Variants in CXXC5 observed in about 807,000 individuals in gnomAD.
CXXC5 encodes the protein CXXC-type zinc finger protein 5.
A neutral mutation model predicts 17.6 loss-of-function variants in CXXC5; 2 were observed. The observed-to-expected ratio is 0.11, with a 90% CI of 0.05 to 0.36. CXXC5 has a LOEUF of 0.36. Ranked by LOEUF, CXXC5 falls within the 10% of genes least tolerant of loss-of-function variation. CXXC5 has a pLI of 1.00. For synonymous variants in CXXC5, 171 were observed against 193.0 expected (o/e 0.89, Z 0.94); for missense variants, 343 against 458.3 (o/e 0.75, Z 2.30).
chr5:139,678,202 A>ATCTCACTGACCCTTG (rs1319087548), intron 1 of CXXC5, among the ~76,000 whole-genome samples: 4 of 152,184 alleles, frequency 2.6e-5, no homozygotes, highest in African/African-American at 9.7e-5. Flanking sequence ...TTTGTCCCTG[A>ATCTCACTGACCCTTG]TCTCACTGAC....
rs780732942 is a variant in CXXC5, at chr5:139,682,949, T to C, written c.*42T>C. On this transcript the variant is annotated 3_prime_UTR_variant, in exon 3 of 3. Coordinates refer to ENST00000302517, the MANE Select transcript of CXXC5 (RefSeq NM_016463.9). ...AGCTGCCCTCTCCGTGCAATGTCAC[T>C]GCTCGTGTGGTCTCCAGCAAGGGAT... The C allele has an allele frequency of 2.6e-6, 4 of 1,546,424 alleles. No individual in the cohort carries two copies. Among genetic ancestry groups the C allele is most frequent in the Non-Finnish European group, 2.6e-6 (3 of 1,138,398 alleles).
In CXXC5 at chr5:139,648,503, C is replaced by G. The variant is rs1173126480; in HGVS notation, c.-503C>G. 2 of 152,592 alleles carry G rather than the reference C, an allele frequency of 1.3e-5. No homozygotes were observed. The highest frequency in any genetic ancestry group is 1.3e-4 in the Admixed American group (2 of 15,268). 9.5% of individuals were successfully genotyped at this position (152,592 alleles called of 1,614,324 possible). A position where few individuals can be genotyped will look rare whatever the true frequency, so the allele number is the denominator to read the frequency against. ...CCCCGCGTCCCAGCCCTGCCCAGCC[C>G]GCGCCCAGCCATGCGCGCCGCCTGC... On this transcript the variant is annotated 5_prime_UTR_variant, in exon 1 of 3. Coordinates refer to ENST00000302517, the MANE Select transcript of CXXC5 (RefSeq NM_016463.9).
intron 1 of CXXC5, among the ~76,000 whole-genome samples, chr5:139,651,980 C>T (rs1755208698): frequency 1.3e-5 from 2 of 152,214 alleles, no homozygotes; most frequent in African/African-American, 2.4e-5. Context: ...CCCCACCCTT[C>T]TGGTGGTACA....
At chr5:139,652,151 CGCGCGCGCGCGCGCGCGCGCGT>C (rs1286459814) in intron 1 of CXXC5, among the ~76,000 whole-genome samples, 2 of 66,880 alleles carry the variant, frequency 3.0e-5, no homozygotes, top group Admixed American at 1.4e-4. Flanking sequence ...GCCGCCGGCG[CGCGCGCGCGCGCGCGCGCGCGT>C]GTGTGTGTGT....
Position 139,680,347 on chromosome 5 carries a change from G to A in CXXC5, c.-160-17G>A, listed in dbSNP as rs1242490638. ...AGGTGTTCACTGCTGCCCTGACCCT[G>A]TATCCTCTTGTGACAGAGTGAAGAC... On this transcript the variant is annotated splice_polypyrimidine_tract_variant and intron_variant, in intron 1 of 2. Coordinates refer to ENST00000302517, the MANE Select transcript of CXXC5 (RefSeq NM_016463.9). The A allele has an allele frequency of 3.4e-6, 3 of 885,596 alleles. No individual in the cohort carries two copies. The highest frequency in any genetic ancestry group is 2.9e-5 in the Admixed American group (1 of 34,142). 54.9% of individuals were successfully genotyped at this position (885,596 alleles called of 1,614,324 possible).
At chr5:139,677,172 G>A (rs1756890535) in intron 1 of CXXC5, among the ~76,000 whole-genome samples, 1 of 152,004 alleles carries the variant, frequency 6.6e-6, no homozygotes, top group East Asian at 1.9e-4. Context: ...TTCTTTTTGG[G>A]GGCTGGATGT....
At chr5:139,671,095 C>T (rs1266563444) in intron 1 of CXXC5, among the ~76,000 whole-genome samples, 1 of 152,212 alleles carries the variant, frequency 6.6e-6, no homozygotes, top group Non-Finnish European at 1.5e-5. Context: ...CAGGGAGCCT[C>T]GGAGAGTGGG....
In CXXC5 at chr5:139,658,469, C is replaced by T. The variant is rs1267408731; in HGVS notation, c.-161+9624C>T. On this transcript the variant is annotated intron_variant, in intron 1 of 2. Transcript: ENST00000302517. The surrounding 1 kb of genome is among the most constrained non-coding windows in gnomAD (Gnocchi z 4.1). ...GTCCTCAGGTGACATGAGCCCATACCTGGGACAGAAATACCTGTTCTGCCC... is the reference window on the plus strand; with the variant it reads ...GTCCTCAGGTGACATGAGCCCATACTTGGGACAGAAATACCTGTTCTGCCC... Among the ~76,000 whole-genome samples, 1 of 152,238 alleles carries T rather than the reference C, an allele frequency of 6.6e-6. No individual in the cohort carries two copies. The highest frequency in any genetic ancestry group is 1.9e-4 in the East Asian group (1 of 5,194).
At chr5:139,666,438 C>T (rs1258523954) in intron 1 of CXXC5, among the ~76,000 whole-genome samples, 1 of 152,236 alleles carries the variant, frequency 6.6e-6, no homozygotes, top group Non-Finnish European at 1.5e-5. Flanking sequence ...CCTGGACCTC[C>T]TGTGGGTCTT....
intron 1 of CXXC5, chr5:139,649,151 C>A: frequency 6.6e-6 from 1 of 152,410 alleles, no homozygotes. Flanking sequence ...CCCAAGCCTC[C>A]CTAAGCCGCA....
intron 1 of CXXC5, among the ~76,000 whole-genome samples, chr5:139,653,716 CT>C (rs1387604153): frequency 2.6e-5 from 4 of 152,198 alleles, no homozygotes; most frequent in African/African-American, 7.2e-5. Flanking sequence ...CAGGCCACAT[CT>C]TGGGGTGTCA....
Position 139,680,440 on chromosome 5 carries a change from G to A in CXXC5, c.-84G>A. 1.4e-6 allele frequency: 2 copies of A among 1,473,684 alleles called. No homozygotes were observed. The highest frequency in any genetic ancestry group is 1.8e-6 in the Non-Finnish European group (2 of 1,116,070). 91.3% of individuals were successfully genotyped at this position (1,473,684 alleles called of 1,614,324 possible). A position where few individuals can be genotyped will look rare whatever the true frequency, so the allele number is the denominator to read the frequency against. ...GAGGCCCACCAGGCATCTCTGTTGTGGGCAGCAGGGCCAGGTCCTGGTCTG... is the reference window on the plus strand; with the variant it reads ...GAGGCCCACCAGGCATCTCTGTTGTAGGCAGCAGGGCCAGGTCCTGGTCTG... On this transcript the variant is annotated 5_prime_UTR_variant, in exon 2 of 3. Coordinates refer to ENST00000302517, the MANE Select transcript of CXXC5 (RefSeq NM_016463.9).
At chr5:139,662,791 C>T (rs950811519) in intron 1 of CXXC5, among the ~76,000 whole-genome samples, 4 of 152,222 alleles carry the variant, frequency 2.6e-5, no homozygotes, top group Non-Finnish European at 5.9e-5. Context: ...CTGGCTTGGT[C>T]GCTGCCTGCT....
At chr5:139,678,587 C>T (rs1348442763) in intron 1 of CXXC5, among the ~76,000 whole-genome samples, 2 of 152,210 alleles carry the variant, frequency 1.3e-5, no homozygotes, top group Non-Finnish European at 2.9e-5. Context: ...TTTCCTTTCC[C>T]CACACCCGGT....
Position 139,658,159 on chromosome 5 carries a change from G to A in CXXC5, c.-161+9314G>A, listed in dbSNP as rs143102387. 6.2e-3 allele frequency among the ~76,000 whole-genome samples: 937 copies of A among 152,240 alleles called. 2 individuals are homozygous for A. Among genetic ancestry groups the A allele is most frequent in the Middle Eastern group, 0.014 (4 of 294 alleles). Reference sequence around the variant, plus strand: ...AACTAGATGGGAAATTAGTTAACTGGGCTCATAGCAGTAGGCAGAAGTGGA... The same window carrying A: ...AACTAGATGGGAAATTAGTTAACTGAGCTCATAGCAGTAGGCAGAAGTGGA... On this transcript the variant is annotated intron_variant, in intron 1 of 2. Coordinates refer to ENST00000302517, the MANE Select transcript of CXXC5 (RefSeq NM_016463.9). The surrounding 1 kb of genome is among the most constrained non-coding windows in gnomAD (Gnocchi z 4.1).
intron 1 of CXXC5, among the ~76,000 whole-genome samples, chr5:139,656,007 T>G (rs1463439970): frequency 6.6e-6 from 1 of 152,188 alleles, no homozygotes; most frequent in Non-Finnish European, 1.5e-5. Context: ...GTACCCGCCC[T>G]CCTCTGTCTG....
chr5:139,674,010 C>T (rs941364271), intron 1 of CXXC5, among the ~76,000 whole-genome samples: 4 of 152,078 alleles, frequency 2.6e-5, no homozygotes, highest in African/African-American at 9.7e-5. Flanking sequence ...TTGTTCTGTC[C>T]TTGGCAGTCA....
intron 1 of CXXC5, among the ~76,000 whole-genome samples, chr5:139,671,427 C>T (rs1313437002): frequency 6.6e-6 from 1 of 152,212 alleles, no homozygotes; most frequent in East Asian, 1.9e-4. Context: ...TGTGACTGCC[C>T]CCGGGAGAGG....
chr5:139,667,778 T>C (rs1229130865), intron 1 of CXXC5, among the ~76,000 whole-genome samples: 1 of 152,110 alleles, frequency 6.6e-6, no homozygotes, highest in Non-Finnish European at 1.5e-5. Flanking sequence ...GTAAAACAGA[T>C]CTTAGTGTTT....
Sources: gnomAD v4.1 joint callset for allele counts (sites outside exome capture counted in the v4.1 genomes callset) on GRCh38, gnomAD v4.1.1 for gene constraint, Gnocchi (gnomAD v3.1) non-coding constraint, MANE v1.5 for transcripts, NCBI Gene and HGNC (gene_info 2026-07-23, HGNC 2026-07-21) for gene names.